Variants in DAGLB observed in about 807,000 individuals in gnomAD.
The protein encoded by DAGLB is diacylglycerol lipase-beta.
A neutral mutation model predicts 72.1 loss-of-function variants in DAGLB; 66 were observed. The observed-to-expected ratio is 0.92, with a 90% CI of 0.75 to 1.12. The LOEUF is 1.12. Among genes scored for constraint, DAGLB ranks in the 50% most tolerant of loss-of-function variants. The pLI, the probability that DAGLB is intolerant of heterozygous loss-of-function variation, is 0.00. For synonymous variants in DAGLB, 414 were observed against 359.5 expected (o/e 1.15, Z -1.71); for missense variants, 1,065 against 884.9 (o/e 1.20, Z -2.58).
chr7:6,418,123 C>A (rs1783979114), intron 9 of DAGLB, among the ~76,000 whole-genome samples: 1 of 152,122 alleles, frequency 6.6e-6, no homozygotes, highest in Non-Finnish European at 1.5e-5. Context: ...CCCGCCTCAG[C>A]CTCCCAAAGT....
intron 11 of DAGLB, among the ~76,000 whole-genome samples, chr7:6,415,099 T>TA (rs56962287): frequency 0.43 from 64,812 of 150,982 alleles, 18,433 homozygotes; most frequent in African/African-American, 0.79. Context: ...AGGCAGAGGC[T>TA]ACAGCAAGCC....
chr7:6,430,996 G>T (rs1257905473), intron 5 of DAGLB, among the ~76,000 whole-genome samples: 1 of 152,014 alleles, frequency 6.6e-6, no homozygotes, highest in African/African-American at 2.4e-5. Context: ...GGCTGGTCTC[G>T]AACTCCCGAC....
Position 6,409,741 on chromosome 7 carries a change from G to C in DAGLB, c.*96C>G. 9 of 1,346,714 alleles carry C rather than the reference G, an allele frequency of 6.7e-6. No individual in the cohort carries two copies. The highest frequency in any genetic ancestry group is 9.1e-6 in the Non-Finnish European group (9 of 989,160). The allele number at this position is 1,346,714 out of a possible 1,614,324, so 83.4% of individuals were successfully genotyped here. ...ATCCGATTCCTGTTGATGGACATTC[G>C]CTGTTTTGGCGTCATGGGAACTCCT... On this transcript the variant is annotated 3_prime_UTR_variant, in exon 15 of 15. Transcript: ENST00000297056.
chr7:6,446,947 C>A (rs904896382), intron 1 of DAGLB, among the ~76,000 whole-genome samples: 3 of 151,978 alleles, frequency 2.0e-5, no homozygotes, highest in South Asian at 2.1e-4. Context: ...GAGGTTGAGG[C>A]TGCAGTGAGT....
At chr7:6,420,575 G>A (rs759730053) in intron 9 of DAGLB, among the ~76,000 whole-genome samples, 4 of 152,212 alleles carry the variant, frequency 2.6e-5, no homozygotes, top group Non-Finnish European at 4.4e-5. Flanking sequence ...TGGAAGGGAG[G>A]AAGCGGAAGT....
chr7:6,425,464 G>GT (rs948357045), intron 7 of DAGLB, among the ~76,000 whole-genome samples: 10 of 152,206 alleles, frequency 6.6e-5, no homozygotes, highest in African/African-American at 2.4e-4. Context: ...TAGAGATGGG[G>GT]TTTCACCATA....
At chr7:6,434,646 C>G in intron 4 of DAGLB, 116 bp downstream of exon 4, 2 of 1,523,732 alleles carry the variant, frequency 1.3e-6, no homozygotes, top group Non-Finnish European at 8.9e-7. Context: ...CCACCCCCCA[C>G]ACACCCAAAG....
At chr7:6,414,386 C>T (rs1371497184) in intron 11 of DAGLB, among the ~76,000 whole-genome samples, 2 of 151,444 alleles carry the variant, frequency 1.3e-5, no homozygotes, top group African/African-American at 2.4e-5. Flanking sequence ...GATCTCGGCT[C>T]ACGGCAACCT....
Position 6,447,809 on chromosome 7 carries a change from C to T in DAGLB, c.34G>A (p.Ala12Thr). 1 of 1,613,308 alleles carries T rather than the reference C, an allele frequency of 6.2e-7. No individual in the cohort carries two copies. The stretch of plus-strand genomic sequence containing the variant: ...AAGACCAAGTCGTCGCTGGCGATGG[C>T]CCAGCGCCGGCCGAAGAGTACCATC... ...PGMVLFGRRW[A>T]IASDDLVFPG... is the part of the protein sequence containing the mutation. Residue 12 changes from alanine to threonine, a missense_variant, in exon 1 of 15, where the codon GCC becomes ACC. By Grantham distance (58) the Ala-to-Thr change is moderately conservative. Coordinates refer to ENST00000297056, the MANE Select transcript of DAGLB (RefSeq NM_139179.4).
intron 9 of DAGLB, chr7:6,417,516 ATATC>A (rs1289549588): frequency 6.6e-6 from 1 of 152,514 alleles, no homozygotes; most frequent in Non-Finnish European, 1.5e-5. Context: ...CTGTGTGAAC[ATATC>A]ACAATTTACT....
chr7:6,445,125 T>C (rs1448232289), intron 2 of DAGLB, among the ~76,000 whole-genome samples: 1 of 152,204 alleles, frequency 6.6e-6, no homozygotes, highest in African/African-American at 2.4e-5. Context: ...AATTCACTCC[T>C]AGGTACACAC....
At chr7:6,432,657 C>G (rs1187947684) in intron 5 of DAGLB, among the ~76,000 whole-genome samples, 180 bp downstream of exon 5, 3 of 86,726 alleles carry the variant, frequency 3.5e-5, no homozygotes, top group East Asian at 4.1e-4. Context: ...GAGACTCCGT[C>G]TTAAAAAAAA....
At chr7:6,443,976 A>G (rs1293349171) in intron 2 of DAGLB, among the ~76,000 whole-genome samples, 1 of 152,194 alleles carries the variant, frequency 6.6e-6, no homozygotes, top group Non-Finnish European at 1.5e-5. Context: ...AAAAATATGA[A>G]GAATAGGTGA....
rs992001412 is a variant in DAGLB, at chr7:6,447,932, T to C, written c.-90A>G. 4.1e-6 allele frequency: 6 copies of C among 1,463,488 alleles called. No individual in the cohort carries two copies. The African/African-American group carries it at 5.8e-5, about 14-fold the overall frequency. The allele number at this position is 1,463,488 out of a possible 1,614,324, so 90.7% of individuals were successfully genotyped here. Reference sequence around the variant, plus strand: ...CACCCTCCGGACGCCGCCACCAAATTATCGGCGCTCAAGCGCAAACGCAGC... The same window carrying C: ...CACCCTCCGGACGCCGCCACCAAATCATCGGCGCTCAAGCGCAAACGCAGC... On this transcript the variant is annotated 5_prime_UTR_variant, in exon 1 of 15. In the 5' UTR this introduces an upstream ATG that the reference lacks. Coordinates refer to ENST00000297056, the MANE Select transcript of DAGLB (RefSeq NM_139179.4).
chr7:6,424,687 G>A (rs574564918), intron 8 of DAGLB, 65 bp downstream of exon 8: 33 of 1,498,074 alleles, frequency 2.2e-5, no homozygotes, highest in Middle Eastern at 3.5e-4. Flanking sequence ...TTCCCCAGCC[G>A]AGCAGCTGTG....
At chr7:6,421,315 CG>C (rs1487942274) in intron 9 of DAGLB, among the ~76,000 whole-genome samples, 1 of 120,198 alleles carries the variant, frequency 8.3e-6, no homozygotes, top group Admixed American at 8.6e-5. Context: ...AATCAGGCAG[CG>C]CGGGAGGCGC....
rs772378735 is a variant in DAGLB at position 6,426,116 on chromosome 7, TAA to T, written c.930-4_930-3del. The T allele has an allele frequency of 1.2e-6, 2 of 1,613,458 alleles. No homozygotes were observed. Among genetic ancestry groups the T allele is most frequent in the South Asian group, 2.2e-5 (2 of 91,062 alleles). On this transcript the variant is annotated splice_region_variant and splice_polypyrimidine_tract_variant and intron_variant, in intron 6 of 14. Coordinates refer to ENST00000297056, the MANE Select transcript of DAGLB (RefSeq NM_139179.4). ...TAGTCTGTGGTTCTGCTTCTGCAGC[TAA>T]AAAGAGGACAAAGACGTTACTATGC...
rs111754640 is a variant in DAGLB at position 6,416,499 on chromosome 7, C to T, written c.1427+128G>A. 6,354 of 1,383,956 alleles carry T rather than the reference C, an allele frequency of 4.6e-3. 236 individuals are homozygous for T. The African/African-American group carries it at 0.081, about 18-fold the overall frequency. The allele number at this position is 1,383,956 out of a possible 1,614,324, so 85.7% of individuals were successfully genotyped here. A position where few individuals can be genotyped will look rare whatever the true frequency, so the allele number is the denominator to read the frequency against. ...TGGAGCTTGCAGTGAGCCGAGATCA[C>T]GCCACTGCACTCCAGCCTGGGCGAC... On this transcript the variant is annotated intron_variant, in intron 11 of 14. Coordinates refer to ENST00000297056, the MANE Select transcript of DAGLB (RefSeq NM_139179.4).
At chr7:6,429,624 CG>C (rs1304514666) in intron 6 of DAGLB, among the ~76,000 whole-genome samples, 4 of 151,816 alleles carry the variant, frequency 2.6e-5, no homozygotes, top group African/African-American at 9.7e-5. Context: ...TACCTGAGAC[CG>C]GGCCTGGTGG....
Sources: allele counts gnomAD v4.1 joint callset (sites outside exome capture counted in the v4.1 genomes callset), GRCh38; gene constraint gnomAD v4.1.1; transcripts MANE v1.5; gene names NCBI Gene and HGNC (gene_info 2026-07-23, HGNC 2026-07-21).